Variants in STAU2 observed in about 807,000 individuals in gnomAD.
The protein encoded by STAU2 is double-stranded RNA-binding protein Staufen homolog 2.
In STAU2, 20 loss-of-function variants were observed where a neutral mutation model predicts 65.9. The ratio of observed to expected loss-of-function variants is 0.30; its 90% CI spans 0.21 to 0.44. The LOEUF is 0.44. STAU2 is among the 20% of genes least tolerant of loss of function. The pLI, the probability that STAU2 is intolerant of heterozygous loss-of-function variation, is 1.00. For synonymous variants in STAU2, 232 were observed against 233.9 expected (o/e 0.99, Z 0.07); for missense variants, 558 against 683.9 (o/e 0.82, Z 2.05).
At chr8:73,722,626 T>C (rs1257109642) in intron 3 of STAU2, among the ~76,000 whole-genome samples, 2 of 152,250 alleles carry the variant, frequency 1.3e-5, no homozygotes, top group East Asian at 1.9e-4. Flanking sequence ...AAGATAATCA[T>C]CTTTATCTTT....
Position 73,489,727 on chromosome 8 carries a change from A to T in STAU2, c.1530+62285T>A, listed in dbSNP as rs576540118. On this transcript the variant is annotated intron_variant, in intron 13 of 14. Transcript: ENST00000524300. ...TATATGCAAGATTTGCCGTTACATA[A>T]CTGAAATTCAGATAGCTCTGAATTC... Among the ~76,000 whole-genome samples, 56 of 152,170 alleles carry T rather than the reference A, an allele frequency of 3.7e-4. 2 individuals are homozygous for T. In the South Asian group the frequency reaches 0.011, roughly 29 times the overall value.
chr8:73,687,306 A>AATATAATTTATATTTATATTTATATT (rs1563506620), intron 5 of STAU2, among the ~76,000 whole-genome samples: 1 of 68,222 alleles, frequency 1.5e-5, no homozygotes, highest in Non-Finnish European at 2.9e-5. Flanking sequence ...ATATTTATAA[A>AATATAATTTATATTTATATTTATATT]TATAATTTAT....
At chr8:73,737,378 C>T (rs1416860485) in intron 3 of STAU2, among the ~76,000 whole-genome samples, 1 of 151,952 alleles carries the variant, frequency 6.6e-6, no homozygotes, top group Non-Finnish European at 1.5e-5. Flanking sequence ...CCCATGTTGG[C>T]CAGGCTGGTC....
At chr8:73,642,202 C>T (rs915223335) in intron 6 of STAU2, among the ~76,000 whole-genome samples, 1 of 152,142 alleles carries the variant, frequency 6.6e-6, no homozygotes, top group African/African-American at 2.4e-5. Context: ...CTTCTCTATG[C>T]AAACATGGTC....
intron 13 of STAU2, among the ~76,000 whole-genome samples, chr8:73,427,682 C>T (rs955841454): frequency 3.3e-5 from 5 of 152,256 alleles, no homozygotes; most frequent in South Asian, 2.1e-4. Context: ...CTCACACATG[C>T]GCGTGGGGCG....
intron 9 of STAU2, among the ~76,000 whole-genome samples, chr8:73,610,565 G>A (rs868736804): frequency 2.7e-5 from 4 of 147,252 alleles, no homozygotes; most frequent in African/African-American, 7.9e-5. Context: ...AAAAGGCAGC[G>A]GGGGAGGGGA....
intron 13 of STAU2, among the ~76,000 whole-genome samples, chr8:73,521,906 C>A (rs1328485409): frequency 6.6e-6 from 1 of 152,136 alleles, no homozygotes; most frequent in East Asian, 1.9e-4. Flanking sequence ...GACTAGAAGT[C>A]AGATTACAGT....
intron 13 of STAU2, among the ~76,000 whole-genome samples, chr8:73,503,695 T>A (rs1440868714): frequency 2.0e-5 from 3 of 152,064 alleles, no homozygotes; most frequent in Non-Finnish European, 2.9e-5. Context: ...AAGTATAAAA[T>A]TAGAATATTA....
chr8:73,461,053 G>A (rs776553729), intron 13 of STAU2, among the ~76,000 whole-genome samples: 3 of 152,100 alleles, frequency 2.0e-5, no homozygotes, highest in East Asian at 1.9e-4. Context: ...AAGTTCTTTC[G>A]AATGTATTGG....
At chr8:73,438,878 A>G in intron 13 of STAU2, 3 of 451,870 alleles carry the variant, frequency 6.6e-6, no homozygotes, top group South Asian at 4.7e-5. Context: ...AGAACTACCT[A>G]ATGTGTGGGG....
At chr8:73,502,826 T>A (rs1318899502) in intron 13 of STAU2, among the ~76,000 whole-genome samples, 1 of 152,100 alleles carries the variant, frequency 6.6e-6, no homozygotes, top group Non-Finnish European at 1.5e-5. Context: ...ATCCATTTTT[T>A]ATACACATTT....
At chr8:73,435,446 T>C (rs1490637174) in intron 13 of STAU2, among the ~76,000 whole-genome samples, 53 of 151,914 alleles carry the variant, frequency 3.5e-4, no homozygotes, top group Non-Finnish European at 1.5e-5. Flanking sequence ...GACAGGGGTC[T>C]TATTCTGTTC....
intron 5 of STAU2, among the ~76,000 whole-genome samples, chr8:73,674,679 T>A (rs1817915719): frequency 6.7e-6 from 1 of 149,874 alleles, no homozygotes; most frequent in Admixed American, 6.7e-5. Context: ...CCTGTCTCAC[T>A]GCAATTGCTA....
Position 73,621,835 on chromosome 8 carries a change from G to T in STAU2, c.411-4384C>A, listed in dbSNP as rs564230448. 4.6e-5 allele frequency among the ~76,000 whole-genome samples: 7 copies of T among 152,214 alleles called. No homozygotes were observed. The South Asian group carries it at 1.5e-3, about 32-fold the overall frequency. ...CCCTGCTGACTCTCTGCACGATAAA[G>T]GTCCAGGATTATCACCACATCCCAC... On this transcript the variant is annotated intron_variant, in intron 6 of 14. Coordinates refer to ENST00000524300, the MANE Select transcript of STAU2 (RefSeq NM_001164380.2).
At chr8:73,593,382 T>C (rs1782002974) in intron 11 of STAU2, among the ~76,000 whole-genome samples, 1 of 152,144 alleles carries the variant, frequency 6.6e-6, no homozygotes. Context: ...AGGTTCATCC[T>C]CTAGTTTTGT....
chr8:73,743,466 ATTTTTTTT>A (rs10564049), intron 1 of STAU2, among the ~76,000 whole-genome samples: 3 of 94,000 alleles, frequency 3.2e-5, no homozygotes, highest in Non-Finnish European at 4.2e-5. Context: ...CTTCTTTTTA[ATTTTTTTT>A]TTTTTTTTTT....
At chr8:73,533,437 C>T (rs984336154) in intron 13 of STAU2, among the ~76,000 whole-genome samples, 1 of 152,112 alleles carries the variant, frequency 6.6e-6, no homozygotes, top group Non-Finnish European at 1.5e-5. Context: ...AGATACTATA[C>T]TTGAGATGGT....
At chr8:73,676,587 G>GTTTTTGTTTTGTTTTGT (rs2130436141) in intron 5 of STAU2, among the ~76,000 whole-genome samples, 1 of 152,258 alleles carries the variant, frequency 6.6e-6, no homozygotes, top group East Asian at 1.9e-4. Flanking sequence ...CAAGAATTTT[G>GTTTTTGTTTTGTTTTGT]TTTTTGTTTT....
intron 11 of STAU2, among the ~76,000 whole-genome samples, chr8:73,587,291 G>A (rs1192879256): frequency 6.6e-6 from 1 of 152,086 alleles, no homozygotes; most frequent in Non-Finnish European, 1.5e-5. Flanking sequence ...CAAAAAAAAA[G>A]TTTACTTCCC....
Sources: allele counts gnomAD v4.1 joint callset (sites outside exome capture counted in the v4.1 genomes callset), GRCh38; gene constraint gnomAD v4.1.1; transcripts MANE v1.5; gene names NCBI Gene and HGNC (gene_info 2026-07-23, HGNC 2026-07-21).